The following RAB27A variants were observed in gnomAD, a reference collection of about 807,000 sequenced individuals.
RAB27A encodes the protein ras-related protein Rab-27A.
Under a neutral mutation model 20.8 loss-of-function variants are expected in RAB27A, and 17 were observed. The ratio of observed to expected loss-of-function variants is 0.82; its 90% CI spans 0.56 to 1.23. The LOEUF is 1.23. Ranked by LOEUF, RAB27A falls within the 50% of genes most tolerant of loss-of-function variation. RAB27A has a pLI of 0.00. For missense variants in RAB27A, 277 were observed against 266.7 expected (o/e 1.04, Z -0.27); for synonymous variants, 85 against 92.8 (o/e 0.92, Z 0.48).
intron 6 of RAB27A, among the ~76,000 whole-genome samples, chr15:55,213,236 C>T (rs369687287): frequency 4.6e-5 from 7 of 152,158 alleles, no homozygotes; most frequent in Middle Eastern, 3.2e-3. Context: ...AAGTCCTCCA[C>T]GATTACTGTT....
At chr15:55,228,107 G>T (rs1895881000) in intron 5 of RAB27A, among the ~76,000 whole-genome samples, 1 of 152,130 alleles carries the variant, frequency 6.6e-6, no homozygotes, top group African/African-American at 2.4e-5. Flanking sequence ...GAATCCTCCT[G>T]AAAGATGCTC....
At chr15:55,303,535 C>A (rs2054983613) in intron 2 of RAB27A, among the ~76,000 whole-genome samples, 2 of 60,174 alleles carry the variant, frequency 3.3e-5, no homozygotes, top group Admixed American at 2.7e-4. Flanking sequence ...CTCTGCCCGG[C>A]CAGCCGCCCC....
At chr15:55,217,836 C>G (rs1895386223) in intron 6 of RAB27A, among the ~76,000 whole-genome samples, 1 of 151,936 alleles carries the variant, frequency 6.6e-6, no homozygotes. Flanking sequence ...ATCGTTATTA[C>G]CAGTCTGTAA....
At chr15:55,210,389 A>C (rs1260030336) in intron 6 of RAB27A, among the ~76,000 whole-genome samples, 1 of 142,202 alleles carries the variant, frequency 7.0e-6, no homozygotes, top group African/African-American at 2.7e-5. Flanking sequence ...ACCAGCATCC[A>C]CTATTGCCTG....
chr15:55,300,344 G>T (rs1566940073), intron 2 of RAB27A, among the ~76,000 whole-genome samples: 1 of 152,070 alleles, frequency 6.6e-6, no homozygotes, highest in Non-Finnish European at 1.5e-5. Context: ...GAGATCTGTG[G>T]TGATGGCAAA....
intron 6 of RAB27A, among the ~76,000 whole-genome samples, chr15:55,207,898 C>A (rs934321000): frequency 4.6e-5 from 7 of 152,264 alleles, no homozygotes; most frequent in African/African-American, 1.7e-4. Flanking sequence ...CTCAAGTGAT[C>A]TGTCTGCCTC....
At chr15:55,292,239 A>G (rs770000600), upstream of RAB27A, among the ~76,000 whole-genome samples, 10 of 152,194 alleles carry the variant, frequency 6.6e-5, no homozygotes. Flanking sequence ...TGACTACATC[A>G]CCTCATACGT....
intron 2 of RAB27A, among the ~76,000 whole-genome samples, chr15:55,306,367 G>A (rs1218290517): frequency 1.3e-5 from 2 of 152,206 alleles, no homozygotes; most frequent in Non-Finnish European, 2.9e-5. Flanking sequence ...GAAACCCAGT[G>A]AGGGTGGTAT....
At chr15:55,254,056 A>G (rs1896994270) in intron 2 of RAB27A, among the ~76,000 whole-genome samples, 1 of 152,210 alleles carries the variant, frequency 6.6e-6, no homozygotes, top group African/African-American at 2.4e-5. Context: ...ACTGTAAAGT[A>G]GTAAAAAAGG....
intron 2 of RAB27A, among the ~76,000 whole-genome samples, chr15:55,255,307 C>G (rs767052395): frequency 1.3e-5 from 2 of 152,184 alleles, no homozygotes; most frequent in Non-Finnish European, 2.9e-5. Context: ...TTCCTTTAAT[C>G]AATGTTTATT....
At chr15:55,236,697 T>C (rs1354964637) in intron 2 of RAB27A, among the ~76,000 whole-genome samples, 4 of 151,936 alleles carry the variant, frequency 2.6e-5, no homozygotes, top group African/African-American at 9.7e-5. Flanking sequence ...CCAGGGGAGG[T>C]TTACTTTTTC....
intron 6 of RAB27A, among the ~76,000 whole-genome samples, chr15:55,221,479 G>A (rs1240289390): frequency 6.6e-6 from 1 of 152,048 alleles, no homozygotes; most frequent in Non-Finnish European, 1.5e-5. Flanking sequence ...AGGGGAGCAG[G>A]GGGACATTTC....
At chr15:55,308,631 G>C (rs2055007839) in intron 2 of RAB27A, among the ~76,000 whole-genome samples, 1 of 152,198 alleles carries the variant, frequency 6.6e-6, no homozygotes. Context: ...GCAATTACTT[G>C]TTGACAGTTA....
chr15:55,216,286 C>G (rs1895299452), intron 6 of RAB27A, among the ~76,000 whole-genome samples: 2 of 152,162 alleles, frequency 1.3e-5, no homozygotes, highest in South Asian at 4.1e-4. Flanking sequence ...GTAATCCCAG[C>G]ACTTTGAGAG....
chr15:55,211,032 T>C (rs1293034734), intron 6 of RAB27A, among the ~76,000 whole-genome samples: 1 of 152,092 alleles, frequency 6.6e-6, no homozygotes, highest in Non-Finnish European at 1.5e-5. Flanking sequence ...TCCTTTCCCC[T>C]CTGTTCTTGG....
intron 2 of RAB27A, among the ~76,000 whole-genome samples, chr15:55,301,307 T>G (rs2054970466): frequency 6.6e-6 from 1 of 152,142 alleles, no homozygotes; most frequent in Admixed American, 6.5e-5. Flanking sequence ...GCCATTAAAA[T>G]GTCATTTAAA....
At chr15:55,275,168 C>T (rs1164876661) in intron 1 of RAB27A, among the ~76,000 whole-genome samples, 3 of 151,804 alleles carry the variant, frequency 2.0e-5, no homozygotes, top group Non-Finnish European at 4.4e-5. Flanking sequence ...AGGAGAATCA[C>T]TTGAACCCAG....
At chr15:55,318,632 C>A (rs1244360170) in intron 1 of RAB27A, among the ~76,000 whole-genome samples, 2 of 149,158 alleles carry the variant, frequency 1.3e-5, no homozygotes, top group Non-Finnish European at 3.0e-5. Context: ...ACCCGGGAGG[C>A]AGAAGTTGCA....
chr15:55,260,198 T>C (rs1897225682), intron 2 of RAB27A, among the ~76,000 whole-genome samples: 1 of 152,224 alleles, frequency 6.6e-6, no homozygotes, highest in African/African-American at 2.4e-5. Flanking sequence ...CTCAATATCA[T>C]ATGTTATTAG....
Sources: allele counts gnomAD v4.1 joint callset (sites outside exome capture counted in the v4.1 genomes callset), GRCh38; gene constraint gnomAD v4.1.1; transcripts MANE v1.5; gene names NCBI Gene and HGNC (gene_info 2026-07-23, HGNC 2026-07-21).